Variants in DGAT2L6 observed in about 807,000 individuals in gnomAD.
DGAT2L6 encodes diacylglycerol O-acyltransferase 2 like 6, also known as diacylglycerol O-acyltransferase 2-like protein 6.
Under a neutral mutation model 25.5 loss-of-function variants are expected in DGAT2L6, and 22 were observed. That is an observed-to-expected ratio of 0.86 (90% CI 0.62 to 1.23). The LOEUF is 1.23. Ranked by LOEUF, DGAT2L6 falls within the 50% of genes most tolerant of loss-of-function variation. The pLI, the probability that DGAT2L6 is intolerant of heterozygous loss-of-function variation, is 0.00. For synonymous variants in DGAT2L6, 100 were observed against 94.7 expected (o/e 1.06, Z -0.32); for missense variants, 287 against 253.2 (o/e 1.13, Z -0.91).
intron 1 of DGAT2L6, among the ~76,000 whole-genome samples, chrX:70,196,359 G>A (rs2085390932): frequency 9.4e-6 from 1 of 106,772 alleles, no homozygotes; most frequent in African/African-American, 3.4e-5. Flanking sequence ...GCATGCTCCT[G>A]TAGTCCCAGC....
chrX:70,192,536 T>C lies in DGAT2L6; in HGVS notation c.86-6735T>C, dbSNP rs145571763. Among the ~76,000 whole-genome samples the C allele has an allele frequency of 8.9e-5, 10 of 112,289 alleles. No individual in the cohort carries two copies. In the East Asian group the frequency reaches 2.8e-3, roughly 31 times the overall value. On this transcript the variant is annotated intron_variant, in intron 1 of 6. Coordinates refer to ENST00000333026, the MANE Select transcript of DGAT2L6 (RefSeq NM_198512.3). ...TAACAAATTATTGTAGCTGTAGTTATTTTTAGTACTTTCGTCACTTATGTT... is the reference window on the plus strand; with the variant it reads ...TAACAAATTATTGTAGCTGTAGTTACTTTTAGTACTTTCGTCACTTATGTT...
intron 1 of DGAT2L6, among the ~76,000 whole-genome samples, chrX:70,179,562 C>CTTTTTTTTTTT (rs3084451): frequency 1.6e-5 from 1 of 64,267 alleles, no homozygotes; most frequent in African/African-American, 7.5e-5. Context: ...TCTGAGGCAG[C>CTTTTTTTTTTT]TTTTTTTTTT....
rs1201581598 is a variant in DGAT2L6 at position 70,179,782 on chromosome X, G to T, written c.85+2115G>T. 1.8e-5 allele frequency among the ~76,000 whole-genome samples: 2 copies of T among 109,450 alleles called. 1 individual carries two copies. The highest frequency in any genetic ancestry group is 3.8e-5 in the Non-Finnish European group (2 of 52,613). On this transcript the variant is annotated intron_variant, in intron 1 of 6. Coordinates refer to ENST00000333026, the MANE Select transcript of DGAT2L6 (RefSeq NM_198512.3). ...GGGGTATCGCCATGTTAGCCAAGCT[G>T]TTCTCAAACTGCTGACCTCAGGTGA...
At chrX:70,190,090 T>C (rs1229705940) in intron 1 of DGAT2L6, among the ~76,000 whole-genome samples, 1 of 112,275 alleles carries the variant, frequency 8.9e-6, no homozygotes, top group Non-Finnish European at 1.9e-5. Context: ...AAGGAATAGA[T>C]ATATTGATCC....
chrX:70,205,063 T>G lies in DGAT2L6; in HGVS notation c.971T>G (p.Val324Gly), dbSNP rs754878533. ...ALRKLFDQHK[V>G]EYGLPETQEL... ...CGCAAGCTCTTTGACCAACACAAAG[T>G]TGAATATGGCCTCCCTGAGACCCAA... is the stretch of plus-strand genomic sequence containing the variant. The change falls in exon 7 of 7, where the codon GTT becomes GGT. Residue 324 changes from valine (V) to glycine (G), a missense_variant. Val to Gly is a moderately radical substitution (Grantham distance 109). Transcript: ENST00000333026. 1 of 1,204,211 alleles carries G rather than the reference T, an allele frequency of 8.3e-7. No individual in the cohort carries two copies. Among genetic ancestry groups the G allele is most frequent in the South Asian group, 1.8e-5 (1 of 54,458 alleles).
At chrX:70,179,480 G>C (rs978155183) in intron 1 of DGAT2L6, among the ~76,000 whole-genome samples, 7 of 108,874 alleles carry the variant, frequency 6.4e-5, no homozygotes, top group African/African-American at 2.3e-4. Context: ...GCAGGGGAAA[G>C]AGGTCAAGAG....
At chrX:70,202,384 C>G (rs761845519) in intron 5 of DGAT2L6, among the ~76,000 whole-genome samples, 3 of 112,037 alleles carry the variant, frequency 2.7e-5, no homozygotes, top group Non-Finnish European at 5.6e-5. Flanking sequence ...CCCTAAGAAT[C>G]TACCAACTGC....
At chrX:70,202,861 CAA>C (rs770128204) in intron 5 of DGAT2L6, among the ~76,000 whole-genome samples, 10 of 111,856 alleles carry the variant, frequency 8.9e-5, no homozygotes, top group Admixed American at 2.8e-4. Context: ...GAGTAAAAGC[CAA>C]AGTCTTTATA....
chrX:70,199,415 G>T (rs777441968), intron 2 of DGAT2L6, 34 bp downstream of exon 2: 95 of 1,066,561 alleles, frequency 8.9e-5, no homozygotes, highest in Middle Eastern at 5.4e-4. Context: ...GGTCCTGTTT[G>T]GGCCAAGAAT....
At chrX:70,196,501 AAGAAAG>A (rs1229751638) in intron 1 of DGAT2L6, among the ~76,000 whole-genome samples, 6 of 104,637 alleles carry the variant, frequency 5.7e-5, no homozygotes, top group Admixed American at 1.0e-4. Flanking sequence ...AAAAAAAAAA[AAGAAAG>A]AAAAAAGAAA....
chrX:70,189,215 T>G (rs1157949932), intron 1 of DGAT2L6, among the ~76,000 whole-genome samples: 1 of 111,200 alleles, frequency 9.0e-6, no homozygotes, highest in Non-Finnish European at 1.9e-5. Context: ...TGATAGTATG[T>G]ATGGAAAATC....
intron 1 of DGAT2L6, among the ~76,000 whole-genome samples, chrX:70,197,101 C>T (rs977533342): frequency 1.8e-5 from 2 of 111,280 alleles, no homozygotes; most frequent in Admixed American, 9.6e-5. Flanking sequence ...CTCTCCAAGA[C>T]GCCTCACTTG....
intron 1 of DGAT2L6, among the ~76,000 whole-genome samples, chrX:70,179,091 C>T (rs1156918055): frequency 1.8e-5 from 2 of 111,588 alleles, no homozygotes; most frequent in African/African-American, 6.5e-5. Flanking sequence ...TTATTTTGTG[C>T]ATTTAAACAT....
chrX:70,178,443 T>G (rs182068960), intron 1 of DGAT2L6, among the ~76,000 whole-genome samples: 27 of 111,165 alleles, frequency 2.4e-4, no homozygotes, highest in Admixed American at 2.1e-3. Flanking sequence ...GCAGCTTTTT[T>G]TTGTTGTTGT....
At chrX:70,193,524 A>T (rs1358692786) in intron 1 of DGAT2L6, among the ~76,000 whole-genome samples, 1 of 111,461 alleles carries the variant, frequency 9.0e-6, no homozygotes, top group Non-Finnish European at 1.9e-5. Flanking sequence ...AACCAAATTC[A>T]ACAGCACATT....
At chrX:70,191,632 C>T (rs1183385842) in intron 1 of DGAT2L6, among the ~76,000 whole-genome samples, 1 of 111,782 alleles carries the variant, frequency 8.9e-6, no homozygotes, top group African/African-American at 3.3e-5. Flanking sequence ...TGGTTGGAAA[C>T]TTCACAAATC....
At chrX:70,194,124 G>A in intron 1 of DGAT2L6, among the ~76,000 whole-genome samples, 1 of 111,123 alleles carries the variant, frequency 9.0e-6, no homozygotes, top group East Asian at 2.8e-4. Flanking sequence ...AAAAAGAAAT[G>A]AAGGAAAACA....
intron 6 of DGAT2L6, 32 bp from the exon 7 acceptor site, chrX:70,204,920 C>A: frequency 1.7e-6 from 2 of 1,153,646 alleles, no homozygotes; most frequent in Non-Finnish European, 2.3e-6. Context: ...GAGGGGGGAA[C>A]TCTGATGTTT....
intron 1 of DGAT2L6, among the ~76,000 whole-genome samples, chrX:70,179,701 G>A (rs886318512): frequency 9.3e-6 from 1 of 107,308 alleles, no homozygotes; most frequent in Admixed American, 1.0e-4. Context: ...CCGAGTAGCC[G>A]GGACTACAGG....
Sources: gnomAD v4.1 joint callset for allele counts (sites outside exome capture counted in the v4.1 genomes callset) on GRCh38, gnomAD v4.1.1 for gene constraint, MANE v1.5 for transcripts, NCBI Gene and HGNC (gene_info 2026-07-23, HGNC 2026-07-21) for gene names.